TMEM33: variants seen among roughly 807,000 people sequenced by gnomAD.
TMEM33 encodes transmembrane protein 33.
In TMEM33, 16 loss-of-function variants were observed where a neutral mutation model predicts 29.7. The ratio of observed to expected loss-of-function variants is 0.54; its 90% confidence interval spans 0.36 to 0.82. TMEM33 has a LOEUF of 0.82. Among genes scored for constraint, TMEM33 ranks in the 40% least tolerant of loss-of-function variants. TMEM33 has a pLI of 0.00. For missense variants in TMEM33, 252 were observed against 295.3 expected (o/e 0.85, Z 1.08); for synonymous variants, 112 against 109.4 (o/e 1.02, Z -0.15).
Position 41,939,355 on chromosome 4 carries a change from C to T in TMEM33, c.300C>T (p.Leu100=). Residue 100 remains leucine, a synonymous_variant, in exon 3 of 7, where the codon CTC becomes CTT. Coordinates refer to ENST00000504986, the MANE Select transcript of TMEM33 (RefSeq NM_018126.3). ...GCTGCCACTACCTGTTGTATTCACTCATCTTTGTAAATTCCTATCCAGTTA... is the reference window on the plus strand; with the variant it reads ...GCTGCCACTACCTGTTGTATTCACTTATCTTTGTAAATTCCTATCCAGTTA... ...EDSCHYLLYS[L]IFVNSYPVTM... is the part of the protein sequence containing the mutation. The T allele has an allele frequency of 6.2e-7, 1 of 1,612,954 alleles. No homozygotes were observed. The highest frequency in any genetic ancestry group is 8.5e-7 in the Non-Finnish European group (1 of 1,179,732).
intron 5 of TMEM33, among the ~76,000 whole-genome samples, chr4:41,945,620 T>C (rs1007468753): frequency 2.1e-4 from 32 of 152,240 alleles, no homozygotes; most frequent in Non-Finnish European, 2.9e-4. Flanking sequence ...GTAGAACATA[T>C]ATATTATGGA....
intron 1 of TMEM33, among the ~76,000 whole-genome samples, chr4:41,935,737 T>C (rs1278297475): frequency 1.3e-5 from 2 of 152,228 alleles, no homozygotes; most frequent in Non-Finnish European, 2.9e-5. Context: ...GACAATAGGC[T>C]GACCTGGAGC....
chr4:41,953,862 A>G, intron 6 of TMEM33: 3 of 610,144 alleles, frequency 4.9e-6, no homozygotes, highest in South Asian at 4.5e-5. Flanking sequence ...AACATTTGAA[A>G]TAGTGGAAGA....
Position 41,956,641 on chromosome 4 carries a change from A to G in TMEM33, c.*2442A>G, listed in dbSNP as rs984930019. 3 of 152,200 alleles carry G rather than the reference A, an allele frequency of 2.0e-5. No individual in the cohort carries two copies. Among genetic ancestry groups the G allele is most frequent in the African/African-American group, 7.2e-5 (3 of 41,456 alleles). The allele number at this position is 152,200 out of a possible 1,614,324, so 9.4% of individuals were successfully genotyped here. On this transcript the variant is annotated 3_prime_UTR_variant, in exon 7 of 7. Coordinates refer to ENST00000504986, the MANE Select transcript of TMEM33 (RefSeq NM_018126.3). ...TTAACAAAAAGCATTTTAACATTAA[A>G]AATATTACAGTATAAAATAACACTC...
chr4:41,949,332 A>T lies in TMEM33; in HGVS notation c.561A>T (p.Ile187=), dbSNP rs768261523. 4 of 1,611,084 alleles carry T rather than the reference A, an allele frequency of 2.5e-6. No individual in the cohort carries two copies. In the East Asian group the frequency reaches 9.0e-5, roughly 36 times the overall value. The part of the protein sequence containing the change: ...SGQGSLLQPF[I]YYRFLTLRYS... ...AAGGAAGTTTGCTCCAACCTTTTATATACTATAGATTTCTTACCCTTCGAT... is the reference window on the plus strand; with the variant it reads ...AAGGAAGTTTGCTCCAACCTTTTATTTACTATAGATTTCTTACCCTTCGAT... Residue 187 remains isoleucine, a synonymous_variant, in exon 6 of 7, where the codon ATA becomes ATT. Coordinates refer to ENST00000504986, the MANE Select transcript of TMEM33 (RefSeq NM_018126.3).
At chr4:41,940,227 AAG>A (rs1399953398) in intron 3 of TMEM33, among the ~76,000 whole-genome samples, 1 of 151,972 alleles carries the variant, frequency 6.6e-6, no homozygotes, top group African/African-American at 2.4e-5. Context: ...TTGTGAAACT[AAG>A]AGAGTTAGTA....
intron 3 of TMEM33, among the ~76,000 whole-genome samples, chr4:41,941,260 A>G (rs1415565116): frequency 1.3e-5 from 2 of 152,248 alleles, no homozygotes; most frequent in Non-Finnish European, 2.9e-5. Flanking sequence ...TGTAAATGAT[A>G]ATCACATTTG....
chr4:41,935,546 G>C lies in TMEM33; in HGVS notation c.45+17G>C. On this transcript the variant is annotated intron_variant, in intron 1 of 6. Coordinates refer to ENST00000504986, the MANE Select transcript of TMEM33 (RefSeq NM_018126.3). ...GGCGCTGTGGTAAGTGCGAGGGCAGGGTAGTCTGGCTTGATTTGCAAGAGT... is the reference window on the plus strand; with the variant it reads ...GGCGCTGTGGTAAGTGCGAGGGCAGCGTAGTCTGGCTTGATTTGCAAGAGT... 6.2e-7 allele frequency: 1 copy of C among 1,600,132 alleles called. No individual in the cohort carries two copies. Among genetic ancestry groups the C allele is most frequent in the African/African-American group, 1.3e-5 (1 of 74,958 alleles).
At chr4:41,940,899 G>A (rs1712513277) in intron 3 of TMEM33, among the ~76,000 whole-genome samples, 1 of 151,204 alleles carries the variant, frequency 6.6e-6, no homozygotes, top group Admixed American at 6.6e-5. Context: ...TAAAGATGCT[G>A]ATTTGCTGAT....
chr4:41,950,001 G>A (rs1386028764), intron 6 of TMEM33, among the ~76,000 whole-genome samples: 2 of 152,276 alleles, frequency 1.3e-5, no homozygotes, highest in African/African-American at 4.8e-5. Context: ...GCTAAGATTA[G>A]AAAGGTATAT....
At chr4:41,953,807 C>T (rs1212167712) in intron 6 of TMEM33, 7 of 494,162 alleles carry the variant, frequency 1.4e-5, no homozygotes, top group South Asian at 4.6e-5. Flanking sequence ...AAGAGATCAC[C>T]GTAACAGAAC....
chr4:41,953,975 A>G, intron 6 of TMEM33, 95 bp from the exon 7 acceptor site: 2 of 1,505,710 alleles, frequency 1.3e-6, no homozygotes, highest in Non-Finnish European at 1.8e-6. Flanking sequence ...TTCAATTTGT[A>G]AAAAATGAAA....
At position 41,960,237 on chromosome 4, in the gene TMEM33, A is replaced by G. The variant is rs951187120; in HGVS notation, c.*6038A>G. On this transcript the variant is annotated 3_prime_UTR_variant, in exon 7 of 7. Coordinates refer to ENST00000504986, the MANE Select transcript of TMEM33 (RefSeq NM_018126.3). ...ATTTACTGGTCCCTACTGATTTCCA[A>G]ATTGGATCACGATAGTAAATTATCC... 2.0e-5 allele frequency: 3 copies of G among 152,156 alleles called. No individual in the cohort carries two copies. The highest frequency in any genetic ancestry group is 4.1e-4 in the South Asian group (2 of 4,832). The allele number at this position is 152,156 out of a possible 1,614,324, so 9.4% of individuals were successfully genotyped here. A position where few individuals can be genotyped will look rare whatever the true frequency, so the allele number is the denominator to read the frequency against.
Position 41,955,931 on chromosome 4 carries a change from C to G in TMEM33, c.*1732C>G, listed in dbSNP as rs1192029336. ...GTTTTTTCCTATAATTTAAAAAGATCTTTTAGATTTATAGAAGAGTCAGAA... is the reference window on the plus strand; with the variant it reads ...GTTTTTTCCTATAATTTAAAAAGATGTTTTAGATTTATAGAAGAGTCAGAA... On this transcript the variant is annotated 3_prime_UTR_variant, in exon 7 of 7. Transcript: ENST00000504986. 1 of 152,370 alleles carries G rather than the reference C, an allele frequency of 6.6e-6. No homozygotes were observed. Among genetic ancestry groups the G allele is most frequent in the African/African-American group, 2.4e-5 (1 of 41,342 alleles). 9.4% of individuals were successfully genotyped at this position (152,370 alleles called of 1,614,324 possible).
intron 1 of TMEM33, among the ~76,000 whole-genome samples, chr4:41,937,353 A>G (rs529168599): frequency 6.6e-6 from 1 of 152,356 alleles, no homozygotes; most frequent in East Asian, 1.9e-4. Flanking sequence ...TTGGAGTCAC[A>G]GTACGGTAAG....
intron 3 of TMEM33, 116 bp downstream of exon 3, chr4:41,939,499 C>T: frequency 9.5e-7 from 1 of 1,054,428 alleles, no homozygotes; most frequent in Non-Finnish European, 1.4e-6. Flanking sequence ...CTCGGCACTT[C>T]ATTTGAATGA....
rs1195369537 is a variant in TMEM33, at chr4:41,954,625, T to C, written c.*426T>C. 2 of 153,820 alleles carry C rather than the reference T, an allele frequency of 1.3e-5. No homozygotes were observed. Among genetic ancestry groups the C allele is most frequent in the Non-Finnish European group, 2.9e-5 (2 of 68,838 alleles). 9.5% of individuals were successfully genotyped at this position (153,820 alleles called of 1,614,324 possible). ...TACATTTTGAGACAGTATTCTACCA[T>C]TCAGTAATTTTGGTTAATGATTTTA... is the stretch of plus-strand genomic sequence containing the variant. On this transcript the variant is annotated 3_prime_UTR_variant, in exon 7 of 7. Transcript: ENST00000504986.
intron 3 of TMEM33, among the ~76,000 whole-genome samples, chr4:41,942,886 A>G (rs959076808): frequency 6.6e-6 from 1 of 152,258 alleles, no homozygotes; most frequent in Non-Finnish European, 1.5e-5. Context: ...AATTGAGAGC[A>G]TAACTGTGAC....
chr4:41,941,759 A>G (rs1712551600), intron 3 of TMEM33, among the ~76,000 whole-genome samples: 1 of 152,248 alleles, frequency 6.6e-6, no homozygotes, highest in Admixed American at 6.5e-5. Context: ...TAATAAATAA[A>G]AGCGGGCCCA....
Sources: allele counts gnomAD v4.1 joint callset (sites outside exome capture counted in the v4.1 genomes callset), GRCh38; gene constraint gnomAD v4.1.1; transcripts MANE v1.5; gene names NCBI Gene and HGNC (gene_info 2026-07-23, HGNC 2026-07-21).